PARD3B: variants seen among roughly 807,000 people sequenced by gnomAD.
The protein encoded by PARD3B is partitioning defective 3 homolog B.
Under a neutral mutation model 130.2 loss-of-function variants are expected in PARD3B, and 103 were observed. That is an observed-to-expected ratio of 0.79 (90% CI 0.67 to 0.93). The LOEUF (loss-of-function observed/expected upper bound fraction) is 0.93. Ranked by LOEUF, PARD3B falls within the 40% of genes least tolerant of loss-of-function variation. The pLI, the probability that PARD3B is intolerant of heterozygous loss-of-function variation, is 0.00. For synonymous variants in PARD3B, 583 were observed against 553.2 expected, an observed-to-expected ratio of 1.05 and a Z score of -0.76; for missense variants, 1,609 against 1,499.2, an observed-to-expected ratio of 1.07 and a Z score of -1.21.
chr2:205,261,169 A>T (rs2040293922), intron 16 of PARD3B, among the ~76,000 whole-genome samples: 1 of 152,130 alleles, frequency 6.6e-6, no homozygotes, highest in Non-Finnish European at 1.5e-5. Context: ...ATGTGAGGTC[A>T]TGTGCAGAGT....
chr2:205,315,060 G>C (rs1477779897), intron 18 of PARD3B, among the ~76,000 whole-genome samples: 1 of 152,056 alleles, frequency 6.6e-6, no homozygotes, highest in Admixed American at 6.6e-5. Context: ...TAACTGATTT[G>C]CCTGCTTTAT....
chr2:205,475,163 T>C (rs1467546160), intron 20 of PARD3B, among the ~76,000 whole-genome samples: 1 of 152,040 alleles, frequency 6.6e-6, no homozygotes, highest in Non-Finnish European at 1.5e-5. Context: ...GACTCACCCT[T>C]CCCCTAATAG....
intron 1 of PARD3B, among the ~76,000 whole-genome samples, chr2:204,587,124 T>G (rs1265605245): frequency 6.6e-6 from 1 of 152,222 alleles, no homozygotes; most frequent in African/African-American, 2.4e-5. Context: ...GCATGTATTT[T>G]TTTTTAAATG....
chr2:205,412,032 G>A (rs542832766), intron 19 of PARD3B, among the ~76,000 whole-genome samples: 3 of 152,224 alleles, frequency 2.0e-5, no homozygotes, highest in South Asian at 4.2e-4. Flanking sequence ...TACATTAAGG[G>A]GGTGGCAACT....
intron 2 of PARD3B, among the ~76,000 whole-genome samples, chr2:204,812,605 T>C (rs544222359): frequency 6.6e-6 from 1 of 152,316 alleles, no homozygotes; most frequent in South Asian, 2.1e-4. Flanking sequence ...AGGGGCCGCA[T>C]GCTCACTGTG....
intron 1 of PARD3B, among the ~76,000 whole-genome samples, chr2:204,581,261 C>T (rs1267752933): frequency 6.6e-6 from 1 of 152,172 alleles, no homozygotes; most frequent in African/African-American, 2.4e-5. Context: ...TCTGTTCTCT[C>T]TGAGGTCATC....
intron 18 of PARD3B, among the ~76,000 whole-genome samples, chr2:205,356,784 G>A (rs930039579): frequency 6.6e-6 from 1 of 151,628 alleles, no homozygotes; most frequent in Non-Finnish European, 1.5e-5. Flanking sequence ...CCAGCTACTT[G>A]GGAGGCTAAG....
At chr2:205,356,608 T>C (rs1410387279) in intron 18 of PARD3B, among the ~76,000 whole-genome samples, 3 of 152,142 alleles carry the variant, frequency 2.0e-5, no homozygotes, top group Non-Finnish European at 2.9e-5. Flanking sequence ...AATATCATTC[T>C]GGCCAGCCGT....
In PARD3B at chr2:205,241,324, C is replaced by G. The variant is rs985890810; in HGVS notation, c.2141-4454C>G. On this transcript the variant is annotated intron_variant, in intron 15 of 22. Coordinates refer to ENST00000406610, the MANE Select transcript of PARD3B (RefSeq NM_001302769.2). This position sits in a 1 kb window ranked among gnomAD's most constrained non-coding sequence, Gnocchi z 4.2. ...GGAAGCATGAGGTTAGTCTAGAAATCCTATTATCTAAATAAATCGGAAGAA... is the reference window on the plus strand; with the variant it reads ...GGAAGCATGAGGTTAGTCTAGAAATGCTATTATCTAAATAAATCGGAAGAA... 6.6e-6 allele frequency among the ~76,000 whole-genome samples: 1 copy of G among 152,074 alleles called. No homozygotes were observed. The highest frequency in any genetic ancestry group is 1.5e-5 in the Non-Finnish European group (1 of 67,988).
rs528464597 is a variant in PARD3B, at chr2:204,624,510, G to T, written c.121-61671G>T. Among the ~76,000 whole-genome samples the T allele has an allele frequency of 2.0e-5, 3 of 152,232 alleles. No homozygotes were observed. In the South Asian group the frequency reaches 6.2e-4, roughly 32 times the overall value. ...AAATCAGAATCTTGAAAAGGTATTT[G>T]CATTTCCATATTCATTGCAGCATTT... On this transcript the variant is annotated intron_variant, in intron 1 of 22. Transcript: ENST00000406610.
chr2:205,531,925 T>G (rs2051614397), intron 21 of PARD3B, among the ~76,000 whole-genome samples: 1 of 152,182 alleles, frequency 6.6e-6, no homozygotes. Context: ...GTTGATTATT[T>G]ATTATCTTTC....
intron 2 of PARD3B, among the ~76,000 whole-genome samples, chr2:204,783,164 G>GCT (rs1260862221): frequency 1.3e-5 from 2 of 152,138 alleles, no homozygotes; most frequent in East Asian, 3.8e-4. Context: ...AGCTCTTCAT[G>GCT]CAATGGAGAC....
At chr2:204,909,671 T>G (rs2125721095) in intron 2 of PARD3B, among the ~76,000 whole-genome samples, 1 of 152,308 alleles carries the variant, frequency 6.6e-6, no homozygotes, top group African/African-American at 2.4e-5. Context: ...TATAATCAGT[T>G]GTTAATACTG....
At position 205,550,933 on chromosome 2, in the gene PARD3B, G is replaced by GTGTGTGTATATATATA. The variant is rs1559206717; in HGVS notation, c.3181-2384_3181-2383insATATATATATGTGTGT. ...TAAATACATATAATTATGTGTGTGT[G>GTGTGTGTATATATATA]TGTGTGTGTATATATATATGTGTAT... On this transcript the variant is annotated intron_variant, in intron 21 of 22. Transcript: ENST00000406610. The surrounding 1 kb of genome is among the most constrained non-coding windows in gnomAD (Gnocchi z 4.5). Among the ~76,000 whole-genome samples, 8 of 115,604 alleles carry GTGTGTGTATATATATA rather than the reference G, an allele frequency of 6.9e-5. No homozygotes were observed. Among genetic ancestry groups the GTGTGTGTATATATATA allele is most frequent in the African/African-American group, 2.7e-4 (8 of 29,628 alleles). The allele number at this position is 115,604 out of a possible 152,430, so 75.8% of individuals were successfully genotyped here. A position where few individuals can be genotyped will look rare whatever the true frequency, so the allele number is the denominator to read the frequency against.
At position 205,146,940 on chromosome 2, in the gene PARD3B, T is replaced by C. The variant is rs1377628141; in HGVS notation, c.1435-11782T>C. Among the ~76,000 whole-genome samples, 2 of 152,036 alleles carry C rather than the reference T, an allele frequency of 1.3e-5. No individual in the cohort carries two copies. The highest frequency in any genetic ancestry group is 6.5e-5 in the Admixed American group (1 of 15,272). ...CATGTTGGCCAGGCTGGTCTCGAAC[T>C]CCTGACCTCAAGTGTTCTGCCTGCC... is the stretch of plus-strand genomic sequence containing the variant. On this transcript the variant is annotated intron_variant, in intron 10 of 22. Transcript: ENST00000406610. The surrounding 1 kb of genome is among the most constrained non-coding windows in gnomAD (Gnocchi z 4.3).
At position 205,446,268 on chromosome 2, in the gene PARD3B, G is replaced by C. The variant is rs2047904038; in HGVS notation, c.3044+5596G>C. 6.6e-6 allele frequency among the ~76,000 whole-genome samples: 1 copy of C among 152,126 alleles called. No individual in the cohort carries two copies. Among genetic ancestry groups the C allele is most frequent in the South Asian group, 2.1e-4 (1 of 4,812 alleles). On this transcript the variant is annotated intron_variant, in intron 20 of 22. Transcript: ENST00000406610. This position sits in a 1 kb window ranked among gnomAD's most constrained non-coding sequence, Gnocchi z 4.4. ...CGAAGAGTTTGGACTCTATCCTGAG[G>C]GAGGTGGGGCAGGGTTTGGGTTGGA... is the stretch of plus-strand genomic sequence containing the variant.
intron 2 of PARD3B, among the ~76,000 whole-genome samples, chr2:204,742,067 A>G (rs2125365353): frequency 6.6e-6 from 1 of 152,274 alleles, no homozygotes; most frequent in East Asian, 1.9e-4. Context: ...GTCTTTTAAT[A>G]AGCTATGCAG....
At position 204,545,745 on chromosome 2, in the gene PARD3B, AGCTGCCGCGTCCCGGGCC is replaced by A; in HGVS notation, c.-252_-235del. ...GGAGGAGGAGGAGCCGGTGCCGCGG[AGCTGCCGCGTCCCGGGCC>A]GCCGGGCACCTGGGAGGTAACCCCT... On this transcript the variant is annotated 5_prime_UTR_variant, in exon 1 of 23. Coordinates refer to ENST00000406610, the MANE Select transcript of PARD3B (RefSeq NM_001302769.2). 1 of 362,966 alleles carries A rather than the reference AGCTGCCGCGTCCCGGGCC, an allele frequency of 2.8e-6. No homozygotes were observed. Among genetic ancestry groups the A allele is most frequent in the Non-Finnish European group, 4.9e-6 (1 of 203,314 alleles). The allele number at this position is 362,966 out of a possible 1,614,324, so 22.5% of individuals were successfully genotyped here. A position where few individuals can be genotyped will look rare whatever the true frequency, so the allele number is the denominator to read the frequency against.
chr2:204,777,611 T>A (rs1325637699), intron 2 of PARD3B, among the ~76,000 whole-genome samples: 2 of 151,860 alleles, frequency 1.3e-5, no homozygotes, highest in Non-Finnish European at 2.9e-5. Flanking sequence ...CTACAAAAAA[T>A]TAAAAAAATT....
Sources: gnomAD v4.1 joint callset for allele counts (sites outside exome capture counted in the v4.1 genomes callset) on GRCh38, gnomAD v4.1.1 for gene constraint, Gnocchi (gnomAD v3.1) non-coding constraint, MANE v1.5 for transcripts, NCBI Gene and HGNC (gene_info 2026-07-23, HGNC 2026-07-21) for gene names.